Variants in TTF1 observed in about 807,000 individuals in gnomAD.
The protein encoded by TTF1 is transcription termination factor, RNA polymerase I.
A neutral mutation model predicts 80.2 loss-of-function variants in TTF1; 64 were observed. The ratio of observed to expected loss-of-function variants is 0.80; its 90% CI spans 0.65 to 0.98. TTF1 has a LOEUF of 0.98. Ranked by LOEUF, TTF1 falls within the 50% of genes least tolerant of loss-of-function variation. The pLI is 0.00. For missense variants in TTF1, 1,023 were observed against 1,086.2 expected (o/e 0.94, Z 0.82); for synonymous variants, 372 against 382.7 (o/e 0.97, Z 0.33).
chr9:132,397,484 G>A (rs551830827), intron 4 of TTF1, among the ~76,000 whole-genome samples: 2 of 152,252 alleles, frequency 1.3e-5, no homozygotes, highest in East Asian at 1.9e-4. Flanking sequence ...GCACACATAT[G>A]GCCACACTTA....
chr9:132,386,870 C>T lies in TTF1; in HGVS notation c.2313-249G>A, dbSNP rs117329298. ...TGAGCCCTTTGTTTCTCTCAACAAA[C>T]CATGTTGCTTTCTCACAGTAAAAAA... is the stretch of plus-strand genomic sequence containing the variant. On this transcript the variant is annotated intron_variant, in intron 8 of 10. Coordinates refer to ENST00000334270, the MANE Select transcript of TTF1 (RefSeq NM_007344.4). Among the ~76,000 whole-genome samples, 192 of 152,070 alleles carry T rather than the reference C, an allele frequency of 1.3e-3. 4 individuals are homozygous for T. The East Asian group carries it at 0.026, about 21-fold the overall frequency.
chr9:132,377,285 GTGCATGTGAA>G (rs1183283678), intron 10 of TTF1, among the ~76,000 whole-genome samples: 3 of 142,050 alleles, frequency 2.1e-5, no homozygotes, highest in East Asian at 2.2e-4. Flanking sequence ...AGTGCATGTG[GTGCATGTGAA>G]TGCATGTGGT....
At chr9:132,391,589 C>T (rs78015267) in intron 6 of TTF1, among the ~76,000 whole-genome samples, 1,725 of 152,210 alleles carry the variant, frequency 0.011, 35 homozygotes, top group African/African-American at 0.039. Context: ...GCTGTGTGGC[C>T]GGAGTGTGTG....
At chr9:132,394,807 C>T (rs538640952) in intron 5 of TTF1, among the ~76,000 whole-genome samples, 13 of 151,534 alleles carry the variant, frequency 8.6e-5, no homozygotes, top group East Asian at 2.0e-4. Context: ...GCAGGAGAAT[C>T]GCTTGAACCC....
At position 132,390,757 on chromosome 9, in the gene TTF1, T is replaced by G. The variant is rs759550976; in HGVS notation, c.2062A>C (p.Lys688Gln). 1 of 1,614,230 alleles carries G rather than the reference T, an allele frequency of 6.2e-7. No individual in the cohort carries two copies. Among genetic ancestry groups the G allele is most frequent in the Non-Finnish European group, 8.5e-7 (1 of 1,180,044 alleles). Reference sequence around the variant, plus strand: ...TCTTTTAACTCCTGGGGAGACATCTTCTTCAGAATCACTTCTTCGACAGCC... The same window carrying G: ...TCTTTTAACTCCTGGGGAGACATCTGCTTCAGAATCACTTCTTCGACAGCC... ...IKAVEEVILK[K>Q]MSPQELKEVD... is the part of the protein sequence containing the mutation. Residue 688 changes from lysine (K) to glutamine (Q), a missense_variant, in exon 7 of 11, where the codon AAG becomes CAG. Coordinates refer to ENST00000334270, the MANE Select transcript of TTF1 (RefSeq NM_007344.4).
chr9:132,390,717 A>G lies in TTF1; in HGVS notation c.2102T>C (p.Leu701Pro), dbSNP rs1234349865. 2 of 1,614,056 alleles carry G rather than the reference A, an allele frequency of 1.2e-6. No individual in the cohort carries two copies. The highest frequency in any genetic ancestry group is 1.7e-6 in the Non-Finnish European group (2 of 1,180,030). Reference sequence around the variant, plus strand: ...TAGGCAACTTTCAGGATTTTCTTGGAGTTTGGAATCCACCTCTTTTAACTC... The same window carrying G: ...TAGGCAACTTTCAGGATTTTCTTGGGGTTTGGAATCCACCTCTTTTAACTC... ...PQELKEVDSK[L>P]QENPESCLSI... Residue 701 changes from leucine (L) to proline (P), a missense_variant, in exon 7 of 11, where the codon CTC (leucine) becomes CCC (proline). Transcript: ENST00000334270.
At chr9:132,392,694 A>T (rs1589822305) in intron 5 of TTF1, among the ~76,000 whole-genome samples, 1 of 152,254 alleles carries the variant, frequency 6.6e-6, no homozygotes, top group East Asian at 1.9e-4. Flanking sequence ...CCTCCAGACC[A>T]GCACTGCCCA....
chr9:132,389,027 T>G (rs1849516656), intron 7 of TTF1, among the ~76,000 whole-genome samples: 2 of 152,116 alleles, frequency 1.3e-5, no homozygotes, highest in Non-Finnish European at 2.9e-5. Flanking sequence ...ACGTTCAGAG[T>G]TTAAGTTTCC....
intron 9 of TTF1, among the ~76,000 whole-genome samples, chr9:132,380,994 T>C (rs75487618): frequency 1.3e-5 from 2 of 151,892 alleles, no homozygotes; most frequent in East Asian, 3.9e-4. Flanking sequence ...TCACTGCAAC[T>C]TCTGGCTCCC....
At chr9:132,403,363 A>G (rs897655307) in intron 1 of TTF1, among the ~76,000 whole-genome samples, 4 of 152,220 alleles carry the variant, frequency 2.6e-5, no homozygotes, top group African/African-American at 7.2e-5. Flanking sequence ...GCCTTGCACC[A>G]TAAGGCCCCT....
In TTF1 at chr9:132,398,137, T is replaced by A. The variant is rs530898769; in HGVS notation, c.1777+4A>T. On this transcript the variant is annotated splice_donor_region_variant and intron_variant, in intron 4 of 10. Coordinates refer to ENST00000334270, the MANE Select transcript of TTF1 (RefSeq NM_007344.4). Reference sequence around the variant, plus strand: ...GGTCAAAGGGTGATTGTTTCTAAACTTACCAATGTGTAATCTAAACGAGTA... The same window carrying A: ...GGTCAAAGGGTGATTGTTTCTAAACATACCAATGTGTAATCTAAACGAGTA... 5.1e-6 allele frequency: 8 copies of A among 1,573,426 alleles called. No individual in the cohort carries two copies. The highest frequency in any genetic ancestry group is 6.9e-6 in the Non-Finnish European group (8 of 1,166,176).
chr9:132,402,472 T>C lies in TTF1; in HGVS notation c.350A>G (p.Lys117Arg). 1 of 1,614,220 alleles carries C rather than the reference T, an allele frequency of 6.2e-7. No homozygotes were observed. The highest frequency in any genetic ancestry group is 8.5e-7 in the Non-Finnish European group (1 of 1,180,034). ...VDKENINNTP[K>R]HFRKDVDVVC... Reference sequence around the variant, plus strand: ...AACATCAACATCCTTTCTAAAATGCTTTGGTGTGTTGTTAATATTTTCTTT... The same window carrying C: ...AACATCAACATCCTTTCTAAAATGCCTTGGTGTGTTGTTAATATTTTCTTT... Residue 117 changes from lysine to arginine, a missense_variant, in exon 2 of 11, where the codon AAG (lysine) becomes AGG (arginine). By Grantham distance (26) the Lys-to-Arg change is conservative. Transcript: ENST00000334270.
rs1176795555 is a variant in TTF1 at position 132,402,512 on chromosome 9, C to T, written c.310G>A (p.Val104Ile). 5.6e-6 allele frequency: 9 copies of T among 1,614,196 alleles called. No homozygotes were observed. Among genetic ancestry groups the T allele is most frequent in the Non-Finnish European group, 6.8e-6 (8 of 1,180,034 alleles). ...LEVDEEAGVTVVLVDKENINN... is the reference protein window; with the variant it reads ...LEVDEEAGVTIVLVDKENINN... ...ATATTTTCTTTATCCACAAGGACAA[C>T]TGTAACACCTGCTTCCTCGTCCACC... Residue 104 changes from valine (V) to isoleucine (I), a missense_variant, in exon 2 of 11, where the codon GTT becomes ATT. Transcript: ENST00000334270.
rs773015514 is a variant in TTF1, at chr9:132,402,736, G to C, written c.86C>G (p.Pro29Arg). The change falls in exon 2 of 11, where the codon CCT (proline) becomes CGT (arginine). Residue 29 changes from proline to arginine, a missense_variant. Transcript: ENST00000334270. ...GAAAATTTCGTGGGAATGTTTCTGAGGTCTTTCCTTATGTATAGAACACTT... is the reference window on the plus strand; with the variant it reads ...GAAAATTTCGTGGGAATGTTTCTGACGTCTTTCCTTATGTATAGAACACTT... ...KKKCSIHKERPQKHSHEIFRD... is the reference protein window; with the variant it reads ...KKKCSIHKERRQKHSHEIFRD... The C allele has an allele frequency of 2.5e-5, 40 of 1,613,832 alleles. No individual in the cohort carries two copies. Among genetic ancestry groups the C allele is most frequent in the Non-Finnish European group, 3.1e-5 (37 of 1,180,004 alleles).
intron 9 of TTF1, among the ~76,000 whole-genome samples, chr9:132,385,117 C>A (rs1849437075): frequency 6.6e-6 from 1 of 152,148 alleles, no homozygotes; most frequent in Non-Finnish European, 1.5e-5. Flanking sequence ...TGGGAACCGA[C>A]CAAGTCATTT....
rs1849569640 is a variant in TTF1 at position 132,392,084 on chromosome 9, A to G, written c.1979T>C (p.Ile660Thr). 6.2e-7 allele frequency: 1 copy of G among 1,613,880 alleles called. No homozygotes were observed. Among genetic ancestry groups the G allele is most frequent in the Admixed American group, 1.7e-5 (1 of 59,996 alleles). The change falls in exon 6 of 11, where the codon ATC becomes ACC. Residue 660 changes from isoleucine to threonine, a missense_variant. Ile to Thr is a moderately conservative substitution (Grantham distance 89). Transcript: ENST00000334270. ...TGGGGGCTGCCACTTACGACTGCTG[A>G]TCTGTGAGAACTTGAGGGCCACGGA... ...SLSVALKFSQ[I>T]SSQRNRGAWS... is the part of the protein sequence containing the mutation.
At chr9:132,385,904 C>T (rs1849458734) in intron 9 of TTF1, among the ~76,000 whole-genome samples, 1 of 152,170 alleles carries the variant, frequency 6.6e-6, no homozygotes, top group Non-Finnish European at 1.5e-5. Context: ...AATGGATGCT[C>T]TACCAGGCAA....
intron 10 of TTF1, among the ~76,000 whole-genome samples, chr9:132,378,697 TGTG>T (rs1162042597): frequency 6.7e-6 from 1 of 148,772 alleles, no homozygotes; most frequent in Non-Finnish European, 1.5e-5. Context: ...TGTGAGTGCA[TGTG>T]GTGTGAGTGC....
Position 132,401,570 on chromosome 9 carries a change from G to T in TTF1, c.1252C>A (p.Leu418Ile), listed in dbSNP as rs145664933. 554 of 1,614,116 alleles carry T rather than the reference G, an allele frequency of 3.4e-4. 4 individuals are homozygous for T. The East Asian group carries it at 3.7e-3, about 11-fold the overall frequency. Residue 418 changes from leucine to isoleucine, a missense_variant, in exon 2 of 11, where the codon CTC becomes ATC. Coordinates refer to ENST00000334270, the MANE Select transcript of TTF1 (RefSeq NM_007344.4). ...SVPSKNSEST[L>I]FDSVEGDGAM... ...CCATCACCTTCTACTGAATCAAAGA[G>T]TGTGCTCTCAGAGTTCTTACTGGGC...
Sources: gnomAD v4.1 joint callset for allele counts (sites outside exome capture counted in the v4.1 genomes callset) on GRCh38, gnomAD v4.1.1 for gene constraint, MANE v1.5 for transcripts, NCBI Gene and HGNC (gene_info 2026-07-23, HGNC 2026-07-21) for gene names.